ESPN: variants seen among roughly 807,000 people sequenced by gnomAD.
ESPN encodes the protein autosomal recessive deafness type 36 protein.
Under a neutral mutation model 77.7 loss-of-function variants are expected in ESPN, and 68 were observed. That is an observed-to-expected ratio of 0.87 (90% CI 0.72 to 1.07). The LOEUF is 1.07. Ranked by LOEUF, ESPN falls within the 50% of genes least tolerant of loss-of-function variation. The probability of loss-of-function intolerance (pLI) is 0.00; values close to 1 mark genes in which losing one functional copy is unlikely to be tolerated. For missense variants in ESPN, 1,060 were observed against 1,239.0 expected (o/e 0.86, Z 2.17); for synonymous variants, 449 against 567.1 (o/e 0.79, Z 2.96).
intron 5 of ESPN, among the ~76,000 whole-genome samples, chr1:6,442,047 T>C (rs75242862): frequency 0.15 from 22,720 of 152,152 alleles, 1,841 homozygotes; most frequent in African/African-American, 0.18. Flanking sequence ...GGATGGACAC[T>C]GGGAAGGGCA....
At chr1:6,452,141 G>A (rs1643957887) in intron 10 of ESPN, 45 bp downstream of exon 10, 1 of 1,507,072 alleles carries the variant, frequency 6.6e-7, no homozygotes. Context: ...TCTGCATCTG[G>A]ATGCACAGCC....
Position 6,445,753 on chromosome 1 carries a change from C to A in ESPN, c.1282C>A (p.Pro428Thr), listed in dbSNP as rs774233876. 7 of 1,577,456 alleles carry A rather than the reference C, an allele frequency of 4.4e-6. No homozygotes were observed. Among genetic ancestry groups the A allele is most frequent in the Non-Finnish European group, 4.3e-6 (5 of 1,156,012 alleles). The change falls in exon 7 of 13, where the codon CCC becomes ACC. Residue 428 changes from proline to threonine, a missense_variant. Pro to Thr is a conservative substitution (Grantham distance 38, BLOSUM62 -1). This residue lies in a region of ESPN where 556 missense variants were observed against 633.6 expected (regional missense o/e 0.88). Transcript: ENST00000645284. Reference protein sequence around the residue: ...LGLPRGTIGKPTPPPPPPSFP... With the variant: ...LGLPRGTIGKTTPPPPPPSFP... ...CCTGCCTCGGGGCACGATTGGGAAG[C>A]CCACACCCCCACCACCCCCACCCAG...
chr1:6,451,362 C>A lies in ESPN; in HGVS notation c.1916-241C>A. ...TCCCAGGGGCCTCCAGGCAGGGGCC[C>A]TCCATCCCGTGAGTAGGGTGGGGAA... On this transcript the variant is annotated intron_variant, in intron 8 of 12. Coordinates refer to ENST00000645284, the MANE Select transcript of ESPN (RefSeq NM_031475.3). The surrounding 1 kb of genome is among the most constrained non-coding windows in gnomAD (Gnocchi z 4.3). 1.7e-6 allele frequency: 1 copy of A among 590,484 alleles called. No homozygotes were observed. The highest frequency in any genetic ancestry group is 3.0e-6 in the Non-Finnish European group (1 of 333,386). 36.6% of individuals were successfully genotyped at this position (590,484 alleles called of 1,614,324 possible).
rs1643063648 is a variant in ESPN, at chr1:6,427,050, G to A, written c.295-1176G>A. Among the ~76,000 whole-genome samples, 1 of 151,934 alleles carries A rather than the reference G, an allele frequency of 6.6e-6. No individual in the cohort carries two copies. The highest frequency in any genetic ancestry group is 1.5e-5 in the Non-Finnish European group (1 of 67,988). On this transcript the variant is annotated intron_variant, in intron 1 of 12. Transcript: ENST00000645284. The surrounding 1 kb of genome is among the most constrained non-coding windows in gnomAD (Gnocchi z 4.6). The stretch of plus-strand genomic sequence containing the variant: ...GCCCTCTTTTCCTTGCATTTCTCAC[G>A]GGAGCCTCAGAGGTTCTCTTCCCAC...
In ESPN at chr1:6,424,903, T is replaced by A; in HGVS notation, c.-53T>A. On this transcript the variant is annotated 5_prime_UTR_variant, in exon 1 of 13. An upstream start codon of the reference 5' UTR is lost. Coordinates refer to ENST00000645284, the MANE Select transcript of ESPN (RefSeq NM_031475.3). ...CCTCTGGCCCGCAAGAACACGTGCA[T>A]GGCGTCCTGGGGAAGGCGCTGAGTG... 7.2e-7 allele frequency: 1 copy of A among 1,397,646 alleles called. No individual in the cohort carries two copies. The highest frequency in any genetic ancestry group is 9.3e-7 in the Non-Finnish European group (1 of 1,076,346). The allele number at this position is 1,397,646 out of a possible 1,614,324, so 86.6% of individuals were successfully genotyped here.
intron 5 of ESPN, among the ~76,000 whole-genome samples, chr1:6,442,608 G>A (rs577236310): frequency 1.2e-3 from 181 of 148,512 alleles, no homozygotes; most frequent in Non-Finnish European, 1.6e-3. Flanking sequence ...GGTGGCTCAC[G>A]CCTGTAATCC....
intron 2 of ESPN, among the ~76,000 whole-genome samples, chr1:6,434,627 G>A (rs1238577883): frequency 6.6e-6 from 1 of 152,136 alleles, no homozygotes; most frequent in Non-Finnish European, 1.5e-5. Flanking sequence ...CTCCTGGCCT[G>A]GATGTCCCTT....
intron 2 of ESPN, among the ~76,000 whole-genome samples, chr1:6,429,169 C>G (rs1424999194): frequency 6.6e-6 from 1 of 151,836 alleles, no homozygotes. Context: ...GAAAGCTGCC[C>G]AGGGCCTGTC....
rs914645144 is a variant in ESPN, at chr1:6,457,389, C to T, written c.2417+17C>T. On this transcript the variant is annotated intron_variant, in intron 12 of 12. Transcript: ENST00000645284. ...GCAGAAGCGGTGAGTGCAGGGCTGG[C>T]CCCAACCTGCCACCCTTATCCCCAC... 1.2e-6 allele frequency: 2 copies of T among 1,614,188 alleles called. No homozygotes were observed. Among genetic ancestry groups the T allele is most frequent in the African/African-American group, 1.3e-5 (1 of 75,052 alleles).
At position 6,440,789 on chromosome 1, in the gene ESPN, C is replaced by T; in HGVS notation, c.839C>T (p.Ala280Val). The T allele has an allele frequency of 1.3e-6, 2 of 1,512,018 alleles. No individual in the cohort carries two copies. The highest frequency in any genetic ancestry group is 1.8e-6 in the Non-Finnish European group (2 of 1,138,886). 93.7% of individuals were successfully genotyped at this position (1,512,018 alleles called of 1,614,324 possible). A position where few individuals can be genotyped will look rare whatever the true frequency, so the allele number is the denominator to read the frequency against. Residue 280 changes from alanine (A) to valine (V), a missense_variant, in exon 4 of 13, where the codon GCC becomes GTC. Transcript: ENST00000645284. Reference sequence around the variant, plus strand: ...GGCGGGACCCCGCTGCACGACGCCGCCGAGAACGGGGAGCTAGAGGTCAGC... The same window carrying T: ...GGCGGGACCCCGCTGCACGACGCCGTCGAGAACGGGGAGCTAGAGGTCAGC... ...LWGGTPLHDAAENGELECCQI... is the reference protein window; with the variant it reads ...LWGGTPLHDAVENGELECCQI...
At chr1:6,456,366 T>A (rs1271683410) in intron 10 of ESPN, 1 of 380,956 alleles carries the variant, frequency 2.6e-6, no homozygotes, top group Non-Finnish European at 4.6e-6. Context: ...GGTCCCATCG[T>A]GGCGGGCTGT....
chr1:6,454,260 C>G (rs1160789643), intron 10 of ESPN, among the ~76,000 whole-genome samples: 14 of 152,274 alleles, frequency 9.2e-5, no homozygotes. Flanking sequence ...CGGCTCAGGC[C>G]GAAGCCTCAC....
rs1433662468 is a variant in ESPN, at chr1:6,440,391, C to A, written c.626C>A (p.Pro209Gln). The change falls in exon 3 of 13, where the codon CCG becomes CAG. Residue 209 changes from proline (P) to glutamine (Q), a missense_variant. By Grantham distance (76) the Pro-to-Gln change is moderately conservative. Coordinates refer to ENST00000645284, the MANE Select transcript of ESPN (RefSeq NM_031475.3). ...PHARAHDGMT[P>Q]LHAAAQMGHS... Reference sequence around the variant, plus strand: ...GCGCGCGCCCACGACGGCATGACCCCGCTGCACGCCGCGGCGCAGATGGGC... The same window carrying A: ...GCGCGCGCCCACGACGGCATGACCCAGCTGCACGCCGCGGCGCAGATGGGC... 6.3e-7 allele frequency: 1 copy of A among 1,585,288 alleles called. No individual in the cohort carries two copies. The highest frequency in any genetic ancestry group is 1.8e-5 in the Admixed American group (1 of 57,142).
intron 12 of ESPN, among the ~76,000 whole-genome samples, chr1:6,458,677 TC>T: frequency 6.6e-6 from 1 of 150,488 alleles, no homozygotes; most frequent in South Asian, 2.2e-4. Context: ...ATACCTGTAA[TC>T]CCAGCACTTT....
chr1:6,453,656 GA>G (rs1290340226), intron 10 of ESPN, among the ~76,000 whole-genome samples: 2 of 152,196 alleles, frequency 1.3e-5, no homozygotes, highest in Non-Finnish European at 2.9e-5. Context: ...AGGCCCAGAA[GA>G]GAACGGACTT....
chr1:6,449,411 C>G (rs74049580), intron 8 of ESPN, among the ~76,000 whole-genome samples: 8,587 of 152,274 alleles, frequency 0.056, 742 homozygotes, highest in African/African-American at 0.18. Flanking sequence ...GAAAGGGCCT[C>G]CCAGCTCTGG....
Position 6,434,628 on chromosome 1 carries a change from G to A in ESPN, c.489-5626G>A, listed in dbSNP as rs557570407. ...AGAGAGATCCCCTACTCCTGGCCTGGATGTCCCTTCTCATATTTATTCATT... is the reference window on the plus strand; with the variant it reads ...AGAGAGATCCCCTACTCCTGGCCTGAATGTCCCTTCTCATATTTATTCATT... On this transcript the variant is annotated intron_variant, in intron 2 of 12. Coordinates refer to ENST00000645284, the MANE Select transcript of ESPN (RefSeq NM_031475.3). 1.3e-3 allele frequency among the ~76,000 whole-genome samples: 192 copies of A among 152,242 alleles called. 1 individual carries two copies. The highest frequency in any genetic ancestry group is 4.5e-3 in the African/African-American group (185 of 41,548).
intron 5 of ESPN, among the ~76,000 whole-genome samples, chr1:6,441,635 A>T (rs1643639839): frequency 6.6e-6 from 1 of 152,264 alleles, no homozygotes; most frequent in Non-Finnish European, 1.5e-5. Flanking sequence ...ACCCAATGGG[A>T]CTTGAACTCA....
At position 6,428,525 on chromosome 1, in the gene ESPN, C is replaced by G; in HGVS notation, c.488+106C>G. 2 of 996,996 alleles carry G rather than the reference C, an allele frequency of 2.0e-6. No homozygotes were observed. Among genetic ancestry groups the G allele is most frequent in the Non-Finnish European group, 2.9e-6 (2 of 680,850 alleles). 61.8% of individuals were successfully genotyped at this position (996,996 alleles called of 1,614,324 possible). ...CTGGCACTCCAGGGCAATGATCCCT[C>G]CAGTGGCCATCCTGGGGCCAGAGGG... On this transcript the variant is annotated intron_variant, in intron 2 of 12. Coordinates refer to ENST00000645284, the MANE Select transcript of ESPN (RefSeq NM_031475.3). This position sits in a 1 kb window ranked among gnomAD's most constrained non-coding sequence, Gnocchi z 5.4.
Sources: allele counts gnomAD v4.1 joint callset (sites outside exome capture counted in the v4.1 genomes callset), GRCh38; gene constraint gnomAD v4.1.1; regional missense constraint gnomAD v4.1.1; non-coding constraint Gnocchi (gnomAD v3.1); transcripts MANE v1.5; gene names NCBI Gene and HGNC (gene_info 2026-07-23, HGNC 2026-07-21).